SNAP91: variants seen among roughly 807,000 people sequenced by gnomAD.
SNAP91 encodes the protein synaptosome associated protein 91.
Under a neutral mutation model 100.3 loss-of-function variants are expected in SNAP91, and 27 were observed. The observed-to-expected ratio is 0.27, with a 90% CI of 0.20 to 0.37. The LOEUF (loss-of-function observed/expected upper bound fraction) is 0.37. Among genes scored for constraint, SNAP91 ranks in the 10% least tolerant of loss-of-function variants. SNAP91 has a pLI of 1.00. For missense variants in SNAP91, 986 were observed against 1,123.7 expected (o/e 0.88, Z 1.75); for synonymous variants, 404 against 398.6 (o/e 1.01, Z -0.16).
chr6:83,642,897 T>A (rs1289432802), intron 7 of SNAP91, among the ~76,000 whole-genome samples: 1 of 152,234 alleles, frequency 6.6e-6, no homozygotes, highest in African/African-American at 2.4e-5. Flanking sequence ...TGGTGTAAGA[T>A]GGTATCTCAT....
chr6:83,584,219 A>G (rs1305271685), intron 22 of SNAP91, among the ~76,000 whole-genome samples: 2 of 152,154 alleles, frequency 1.3e-5, no homozygotes, highest in Non-Finnish European at 1.5e-5. Context: ...TTCTCTTTCT[A>G]TAGGTGAATG....
chr6:83,560,103 C>T lies in SNAP91; in HGVS notation c.2631+1G>A, dbSNP rs1443314295. 6.2e-7 allele frequency: 1 copy of T among 1,612,658 alleles called. No homozygotes were observed. Among genetic ancestry groups the T allele is most frequent in the Non-Finnish European group, 8.5e-7 (1 of 1,178,846 alleles). On this transcript the variant is annotated splice_donor_variant, in intron 28 of 29. Transcript: ENST00000369694. LOFTEE classifies it high-confidence loss of function. ...GATTTGTGGACATTGAAGAAACTGA[C>T]CTGCGTGCCAGGTACAGCGGCAGCT...
intron 22 of SNAP91, among the ~76,000 whole-genome samples, chr6:83,585,577 CA>C (rs1198620867): frequency 6.7e-6 from 1 of 149,672 alleles, no homozygotes. Context: ...GAATTGGAAA[CA>C]GAGTAAGGCT....
At chr6:83,574,878 A>T in intron 26 of SNAP91, 132 bp downstream of exon 26, 1 of 581,192 alleles carries the variant, frequency 1.7e-6, no homozygotes, top group Non-Finnish European at 3.0e-6. Flanking sequence ...CTGGAGTGCT[A>T]CTTGCTTATA....
rs1035310332 is a variant in SNAP91 at position 83,593,554 on chromosome 6, GGTGGCAGCAGTA to G, written c.1608_1619del (p.Thr537_Thr540del). 5.8e-6 allele frequency: 9 copies of G among 1,553,750 alleles called. No homozygotes were observed. In the South Asian group the frequency reaches 7.1e-5, roughly 12 times the overall value. On this transcript the variant is annotated inframe_deletion, in exon 18 of 30. Transcript: ENST00000369694. ...TGGTGGTAGTGGTGGTGGCAGCGGC[GGTGGCAGCAGTA>G]GTGGCAGCAGCAGCAGCTGCAACGG...
intron 2 of SNAP91, among the ~76,000 whole-genome samples, chr6:83,691,900 TTTTA>T (rs1246750113): frequency 6.6e-6 from 1 of 152,198 alleles, no homozygotes; most frequent in Non-Finnish European, 1.5e-5. Flanking sequence ...CCAAAGTCAT[TTTTA>T]TTTGATTTTA....
chr6:83,688,124 A>G (rs1462728879), intron 2 of SNAP91, among the ~76,000 whole-genome samples: 3 of 152,182 alleles, frequency 2.0e-5, no homozygotes, highest in African/African-American at 7.2e-5. Context: ...ATATGACCCC[A>G]TAGCCTCTGC....
At chr6:83,670,061 A>G (rs1286930705) in intron 2 of SNAP91, among the ~76,000 whole-genome samples, 1 of 151,908 alleles carries the variant, frequency 6.6e-6, no homozygotes, top group Non-Finnish European at 1.5e-5. Context: ...ATTTTAGGGA[A>G]CTGCTTTCAG....
intron 9 of SNAP91, among the ~76,000 whole-genome samples, chr6:83,622,381 C>A (rs1345647475): frequency 6.6e-6 from 1 of 151,966 alleles, no homozygotes; most frequent in Admixed American, 6.6e-5. Context: ...CATTTCAAGG[C>A]ATAATAAGGA....
At chr6:83,561,107 A>G (rs1456840020) in intron 26 of SNAP91, among the ~76,000 whole-genome samples, 160 bp from the exon 27 acceptor site, 2 of 152,222 alleles carry the variant, frequency 1.3e-5, no homozygotes, top group East Asian at 3.8e-4. Context: ...CGATGGCATG[A>G]TCACAGCTCA....
At chr6:83,643,650 C>A (rs532055118) in intron 7 of SNAP91, among the ~76,000 whole-genome samples, 7 of 152,098 alleles carry the variant, frequency 4.6e-5, no homozygotes, top group African/African-American at 1.7e-4. Flanking sequence ...AATTTTACTA[C>A]CTCAGAAGTA....
chr6:83,652,867 G>T (rs1416994528), intron 7 of SNAP91, among the ~76,000 whole-genome samples: 1 of 152,140 alleles, frequency 6.6e-6, no homozygotes, highest in African/African-American at 2.4e-5. Context: ...ACAGGGTAAA[G>T]AATTCTAGGT....
intron 8 of SNAP91, among the ~76,000 whole-genome samples, chr6:83,628,598 G>T (rs898967473): frequency 4.6e-5 from 7 of 151,432 alleles, no homozygotes; most frequent in African/African-American, 1.7e-4. Flanking sequence ...TTGCAGTTTT[G>T]ATTTGCATTT....
At chr6:83,570,156 T>C (rs1179401459) in intron 26 of SNAP91, among the ~76,000 whole-genome samples, 3 of 151,632 alleles carry the variant, frequency 2.0e-5, no homozygotes, top group African/African-American at 7.3e-5. Flanking sequence ...GGAATTGGAG[T>C]GAAGGTGATT....
At chr6:83,686,926 G>A (rs1443340918) in intron 2 of SNAP91, 1 of 152,108 alleles carries the variant, frequency 6.6e-6, no homozygotes, top group Non-Finnish European at 1.5e-5. Context: ...GTGTTGATGG[G>A]CCTGAAAGTT....
chr6:83,578,333 G>C (rs547707755), intron 24 of SNAP91, among the ~76,000 whole-genome samples: 19 of 152,164 alleles, frequency 1.2e-4, no homozygotes, highest in African/African-American at 4.6e-4. Context: ...ATTTTTACCA[G>C]CAATGTCTGT....
At chr6:83,672,907 A>G (rs2098808382) in intron 2 of SNAP91, among the ~76,000 whole-genome samples, 1 of 152,138 alleles carries the variant, frequency 6.6e-6, no homozygotes, top group Non-Finnish European at 1.5e-5. Flanking sequence ...AAACCCCACT[A>G]GTACAGCAAT....
At chr6:83,563,486 T>A (rs1337184911) in intron 26 of SNAP91, among the ~76,000 whole-genome samples, 1 of 152,130 alleles carries the variant, frequency 6.6e-6, no homozygotes, top group Non-Finnish European at 1.5e-5. Context: ...AAGGAGGTTA[T>A]GAAAGTTCTA....
At chr6:83,636,676 T>G (rs570983152) in intron 8 of SNAP91, among the ~76,000 whole-genome samples, 52 of 152,338 alleles carry the variant, frequency 3.4e-4, no homozygotes, top group African/African-American at 1.2e-3. Flanking sequence ...CATTTCAATG[T>G]GGTTAGGATT....
Sources: allele counts gnomAD v4.1 joint callset (sites outside exome capture counted in the v4.1 genomes callset), GRCh38; gene constraint gnomAD v4.1.1; transcripts MANE v1.5; gene names NCBI Gene and HGNC (gene_info 2026-07-23, HGNC 2026-07-21).